DGKK: variants seen among roughly 807,000 people sequenced by gnomAD.
DGKK encodes 142 kDa diacylglycerol kinase.
In DGKK, 35 loss-of-function variants were observed where a neutral mutation model predicts 92.2. The ratio of observed to expected loss-of-function variants is 0.38; its 90% CI spans 0.29 to 0.50. DGKK has a LOEUF of 0.50. DGKK is among the 20% of genes least tolerant of loss of function. DGKK has a pLI of 0.92. For missense variants in DGKK, 910 were observed against 992.2 expected, an observed-to-expected ratio of 0.92 and a Z score of 1.11; for synonymous variants, 368 against 360.6, an observed-to-expected ratio of 1.02 and a Z score of -0.23.
Position 50,378,168 on chromosome X carries a change from G to A in DGKK, c.3041C>T (p.Ala1014Val), listed in dbSNP as rs1924319131. Residue 1014 changes from alanine (A) to valine (V), a missense_variant, in exon 22 of 28, where the codon GCC (alanine) becomes GTC (valine). By Grantham distance (64) the Ala-to-Val change is moderately conservative. Transcript: ENST00000611977. ...EGIPVQVDGE[A>V]WIQRPGLIKI... is the part of the protein sequence containing the mutation. Reference sequence around the variant, plus strand: ...GATAAGGCCTGGTCTCTGAATCCAGGCCTCCCCATCCACCTGCACTGGGAT... The same window carrying A: ...GATAAGGCCTGGTCTCTGAATCCAGACCTCCCCATCCACCTGCACTGGGAT... 8.3e-7 allele frequency: 1 copy of A among 1,210,390 alleles called. No homozygotes were observed. The highest frequency in any genetic ancestry group is 1.1e-6 in the Non-Finnish European group (1 of 894,689).
intron 23 of DGKK, 67 bp from the exon 24 acceptor site, chrX:50,376,232 T>A: frequency 2.6e-6 from 3 of 1,139,194 alleles, no homozygotes; most frequent in Non-Finnish European, 3.6e-6. Context: ...GGGGCACTGG[T>A]GAGGGTTTGG....
chrX:50,466,017 C>CTTTTTTTTTTTTTTTTTT (rs72090197), intron 1 of DGKK, among the ~76,000 whole-genome samples: 2 of 42,791 alleles, frequency 4.7e-5, no homozygotes, highest in African/African-American at 9.7e-5. Context: ...TTTCTTTTTT[C>CTTTTTTTTTTTTTTTTTT]TTTTTTTTTT....
Position 50,400,822 on chromosome X carries a change from G to A in DGKK, c.1411+215C>T, listed in dbSNP as rs140723854. Among the ~76,000 whole-genome samples the A allele has an allele frequency of 4.2e-3, 466 of 111,237 alleles. 5 individuals are homozygous for A. The East Asian group carries it at 0.057, about 14-fold the overall frequency. On this transcript the variant is annotated intron_variant, in intron 8 of 27. Coordinates refer to ENST00000611977, the MANE Select transcript of DGKK (RefSeq NM_001013742.4). ...CAGAAACAATTGTGACCGAGCTACAGAGAACATGCCCACATACATATACAC... is the reference window on the plus strand; with the variant it reads ...CAGAAACAATTGTGACCGAGCTACAAAGAACATGCCCACATACATATACAC...
chrX:50,400,089 C>T (rs1265489602), intron 8 of DGKK, among the ~76,000 whole-genome samples: 5 of 111,765 alleles, frequency 4.5e-5, no homozygotes, highest in East Asian at 5.6e-4. Flanking sequence ...GCTTCATTCC[C>T]GTTTACAGAT....
Position 50,460,985 on chromosome X carries a change from G to A in DGKK, c.645+9049C>T, listed in dbSNP as rs782467662. Among the ~76,000 whole-genome samples, 34 of 110,421 alleles carry A rather than the reference G, an allele frequency of 3.1e-4. 1 individual carries two copies. The highest frequency in any genetic ancestry group is 4.6e-3 in the Middle Eastern group (1 of 216). Reference sequence around the variant, plus strand: ...ATTTAACAGTGGGAAGATAAGGTTGGTTTTGTTCTGGATCTCCTTCTCCAA... The same window carrying A: ...ATTTAACAGTGGGAAGATAAGGTTGATTTTGTTCTGGATCTCCTTCTCCAA... On this transcript the variant is annotated intron_variant, in intron 1 of 27. Coordinates refer to ENST00000611977, the MANE Select transcript of DGKK (RefSeq NM_001013742.4).
intron 4 of DGKK, among the ~76,000 whole-genome samples, chrX:50,410,704 G>A (rs1925282158): frequency 9.0e-6 from 1 of 111,700 alleles, no homozygotes; most frequent in African/African-American, 3.3e-5. Flanking sequence ...GGGTCAAATG[G>A]TAAGAGTAAT....
chrX:50,458,122 G>A (rs1009362626), intron 1 of DGKK, among the ~76,000 whole-genome samples: 3 of 111,058 alleles, frequency 2.7e-5, no homozygotes, highest in Non-Finnish European at 5.7e-5. Flanking sequence ...AACAGGGAGC[G>A]CAAACACACT....
chrX:50,420,322 C>A, intron 4 of DGKK, 81 bp downstream of exon 4: 1 of 877,965 alleles, frequency 1.1e-6, no homozygotes, highest in Non-Finnish European at 1.6e-6. Flanking sequence ...TTATTATTTC[C>A]CTGCTCTAAA....
At chrX:50,396,295 T>C (rs1924850090) in intron 8 of DGKK, among the ~76,000 whole-genome samples, 1 of 111,896 alleles carries the variant, frequency 8.9e-6, no homozygotes, top group Non-Finnish European at 1.9e-5. Context: ...TACTGGAAGG[T>C]ATTTAAGAAA....
chrX:50,463,103 G>T (rs1926802650), intron 1 of DGKK, among the ~76,000 whole-genome samples: 1 of 105,716 alleles, frequency 9.5e-6, no homozygotes, highest in Non-Finnish European at 1.9e-5. Flanking sequence ...GGAATAATAC[G>T]CAATGTCTGC....
chrX:50,400,500 C>T (rs1157113911), intron 8 of DGKK, among the ~76,000 whole-genome samples: 1 of 111,910 alleles, frequency 8.9e-6, no homozygotes, highest in African/African-American at 3.3e-5. Flanking sequence ...AGCCTGAATC[C>T]ACAATAATCA....
chrX:50,384,169 T>G lies in DGKK; in HGVS notation c.2548A>C (p.Ile850Leu), dbSNP rs782538676. The change falls in exon 17 of 28, where the codon ATA (isoleucine) becomes CTA (leucine). Residue 850 changes from isoleucine (I) to leucine (L), a missense_variant and splice_region_variant. By Grantham distance (5) the Ile-to-Leu change is conservative (BLOSUM62 2). Coordinates refer to ENST00000611977, the MANE Select transcript of DGKK (RefSeq NM_001013742.4). ...LDHLHFTPES[I>L]RFKEKCVMNN... ...AAGGTGATAGAGTTAAATACTTACATAGATTCAGGTGTAAAATGTAAGTGA... is the reference window on the plus strand; with the variant it reads ...AAGGTGATAGAGTTAAATACTTACAGAGATTCAGGTGTAAAATGTAAGTGA... 19 of 1,135,862 alleles carry G rather than the reference T, an allele frequency of 1.7e-5. No individual in the cohort carries two copies. The highest frequency in any genetic ancestry group is 4.8e-4 in the Middle Eastern group (2 of 4,165). 93.6% of individuals were successfully genotyped at this position (1,135,862 alleles called of 1,213,427 possible). A position where few individuals can be genotyped will look rare whatever the true frequency, so the allele number is the denominator to read the frequency against.
intron 1 of DGKK, among the ~76,000 whole-genome samples, chrX:50,429,420 G>T (rs1925824517): frequency 8.9e-6 from 1 of 112,296 alleles, no homozygotes; most frequent in African/African-American, 3.2e-5. Flanking sequence ...GGCCCGGCGA[G>T]CACGCCTGTA....
intron 1 of DGKK, among the ~76,000 whole-genome samples, chrX:50,457,123 T>C (rs1557232943): frequency 8.9e-6 from 1 of 112,017 alleles, no homozygotes; most frequent in East Asian, 2.8e-4. Context: ...GCAAAGATTT[T>C]TGTGAGAAAA....
In DGKK at chrX:50,470,593, G is replaced by C. The variant is rs1927051571; in HGVS notation, c.86C>G (p.Pro29Arg). ...QPAESPEPPP[P>R]WPPPPPPPAP... ...CGGTGGTGGTGGCGGCGGCGGCCAA[G>C]GCGGCGGAGGCTCTGGAGACTCAGC... The change falls in exon 1 of 28, where the codon CCT (proline) becomes CGT (arginine). Residue 29 changes from proline (P) to arginine (R), a missense_variant. Transcript: ENST00000611977. The C allele has an allele frequency of 5.9e-6, 7 of 1,192,597 alleles. No homozygotes were observed. The highest frequency in any genetic ancestry group is 7.9e-6 in the Non-Finnish European group (7 of 889,090).
chrX:50,408,758 T>C lies in DGKK; in HGVS notation c.943-4574A>G, dbSNP rs782589824. Among the ~76,000 whole-genome samples the C allele has an allele frequency of 6.2e-5, 7 of 112,172 alleles. No homozygotes were observed. In the South Asian group the frequency reaches 2.6e-3, roughly 42 times the overall value. On this transcript the variant is annotated intron_variant, in intron 4 of 27. Coordinates refer to ENST00000611977, the MANE Select transcript of DGKK (RefSeq NM_001013742.4). ...TGTATTTTGGAAGCATATAGCTTGT[T>C]TTCTTGGTTTCACACGTCCATAGAT...
At chrX:50,386,275 C>A in intron 15 of DGKK, 83 bp downstream of exon 15, 1 of 704,497 alleles carries the variant, frequency 1.4e-6, no homozygotes, top group Non-Finnish European at 2.2e-6. Flanking sequence ...AGAGAGCAAA[C>A]CCGGAGTCAG....
intron 4 of DGKK, among the ~76,000 whole-genome samples, chrX:50,410,533 A>C (rs782193864): frequency 2.7e-4 from 30 of 111,981 alleles, no homozygotes; most frequent in African/African-American, 9.7e-4. Context: ...ATAGAGAGTG[A>C]CATCAACAAG....
chrX:50,424,410 A>G, intron 1 of DGKK, 52 bp from the exon 2 acceptor site: 1 of 1,063,932 alleles, frequency 9.4e-7, no homozygotes, highest in Admixed American at 2.3e-5. Context: ...ATAAGGTCAT[A>G]TCACTTGTTT....
Sources: gnomAD v4.1 joint callset for allele counts (sites outside exome capture counted in the v4.1 genomes callset) on GRCh38, gnomAD v4.1.1 for gene constraint, MANE v1.5 for transcripts, NCBI Gene and HGNC (gene_info 2026-07-23, HGNC 2026-07-21) for gene names.